CLSTN2: variants seen among roughly 807,000 people sequenced by gnomAD.
CLSTN2 encodes calsyntenin 2, also known as calsyntenin-2.
A neutral mutation model predicts 101.2 loss-of-function variants in CLSTN2; 48 were observed. That is an observed-to-expected ratio of 0.47 (90% CI 0.38 to 0.60). The LOEUF is 0.60. CLSTN2 is among the 20% of genes least tolerant of loss of function. The pLI, the probability that CLSTN2 is intolerant of heterozygous loss-of-function variation, is 0.00. For missense variants in CLSTN2, 1,160 were observed against 1,238.2 expected (o/e 0.94, Z 0.95); for synonymous variants, 481 against 463.6 (o/e 1.04, Z -0.48).
intron 2 of CLSTN2, among the ~76,000 whole-genome samples, chr3:140,184,636 C>T (rs748511410): frequency 6.6e-6 from 1 of 152,122 alleles, no homozygotes; most frequent in Non-Finnish European, 1.5e-5. Flanking sequence ...TAGCCAAGCC[C>T]AGAGTCAGTG....
chr3:140,324,404 G>A (rs1449522147), intron 2 of CLSTN2, among the ~76,000 whole-genome samples: 1 of 152,178 alleles, frequency 6.6e-6, no homozygotes, highest in African/African-American at 2.4e-5. Flanking sequence ...ATAATGTTAA[G>A]TGGGTAATAT....
chr3:140,404,018 C>T (rs1471014800), intron 3 of CLSTN2, among the ~76,000 whole-genome samples, 194 bp downstream of exon 3: 1 of 152,230 alleles, frequency 6.6e-6, no homozygotes, highest in Non-Finnish European at 1.5e-5. Flanking sequence ...ATATTCTACT[C>T]CCTCTTCTTC....
chr3:140,288,151 G>A (rs928791291), intron 2 of CLSTN2, among the ~76,000 whole-genome samples: 7 of 151,942 alleles, frequency 4.6e-5, no homozygotes, highest in African/African-American at 1.2e-4. Context: ...AGAAATGGGT[G>A]TGGACAACTG....
chr3:139,968,244 G>C (rs1366739326), intron 1 of CLSTN2, among the ~76,000 whole-genome samples: 1 of 151,542 alleles, frequency 6.6e-6, no homozygotes, highest in Non-Finnish European at 1.5e-5. Flanking sequence ...TGTTCCCTTG[G>C]AACAGTGCAA....
intron 1 of CLSTN2, among the ~76,000 whole-genome samples, chr3:140,059,585 C>T (rs1323273441): frequency 6.6e-6 from 1 of 152,124 alleles, no homozygotes; most frequent in Admixed American, 6.6e-5. Flanking sequence ...TCAGCTTGCT[C>T]AGTCCTCTTG....
At chr3:140,287,384 A>T (rs1277858852) in intron 2 of CLSTN2, among the ~76,000 whole-genome samples, 2 of 152,138 alleles carry the variant, frequency 1.3e-5, no homozygotes, top group Non-Finnish European at 2.9e-5. Flanking sequence ...GAGTGCATGG[A>T]AGGGTGGATT....
At chr3:140,033,224 G>A (rs931286412) in intron 1 of CLSTN2, among the ~76,000 whole-genome samples, 1 of 150,376 alleles carries the variant, frequency 6.6e-6, no homozygotes, top group South Asian at 2.1e-4. Flanking sequence ...CTGTGTAGAC[G>A]GAGGGGGACT....
chr3:140,050,549 G>A (rs1299802500), intron 1 of CLSTN2, among the ~76,000 whole-genome samples: 2 of 152,238 alleles, frequency 1.3e-5, no homozygotes, highest in Non-Finnish European at 2.9e-5. Flanking sequence ...AGCTGTAGGA[G>A]TGAGGCCAGC....
intron 1 of CLSTN2, among the ~76,000 whole-genome samples, chr3:140,174,990 C>T (rs2010298232): frequency 1.3e-5 from 2 of 152,214 alleles, no homozygotes; most frequent in African/African-American, 4.8e-5. Flanking sequence ...TCCTAGCTTC[C>T]TGTAGTTCCT....
intron 1 of CLSTN2, among the ~76,000 whole-genome samples, chr3:140,059,726 C>G (rs1175607622): frequency 6.6e-6 from 1 of 152,192 alleles, no homozygotes; most frequent in Non-Finnish European, 1.5e-5. Context: ...TGAGCCTACT[C>G]CCAGGCACTG....
intron 2 of CLSTN2, among the ~76,000 whole-genome samples, chr3:140,243,261 C>G (rs1470675628): frequency 6.6e-6 from 1 of 152,140 alleles, no homozygotes; most frequent in Non-Finnish European, 1.5e-5. Context: ...CTTCCCTTCC[C>G]AAGTTAGGAC....
chr3:140,213,696 G>C (rs570213988), intron 2 of CLSTN2, among the ~76,000 whole-genome samples: 1 of 152,302 alleles, frequency 6.6e-6, no homozygotes, highest in East Asian at 1.9e-4. Context: ...AGGTCTGACC[G>C]TGTGATGGGG....
At chr3:140,373,915 G>A (rs557796617) in intron 2 of CLSTN2, among the ~76,000 whole-genome samples, 3 of 152,290 alleles carry the variant, frequency 2.0e-5, no homozygotes, top group Admixed American at 1.3e-4. Flanking sequence ...CATCTTGAGT[G>A]CTCTCTGCAC....
At chr3:140,304,015 A>T (rs1216076273) in intron 2 of CLSTN2, among the ~76,000 whole-genome samples, 1 of 151,904 alleles carries the variant, frequency 6.6e-6, no homozygotes, top group African/African-American at 2.4e-5. Context: ...CAACCAGAAA[A>T]CCTACTCATT....
intron 5 of CLSTN2, among the ~76,000 whole-genome samples, chr3:140,428,094 C>T (rs2088592197): frequency 6.6e-6 from 1 of 152,184 alleles, no homozygotes; most frequent in Non-Finnish European, 1.5e-5. Context: ...GCTGAGCCCT[C>T]CTTACAGGGG....
intron 5 of CLSTN2, among the ~76,000 whole-genome samples, chr3:140,442,239 A>C (rs145330395): frequency 1.5e-3 from 224 of 152,156 alleles, no homozygotes; most frequent in African/African-American, 5.3e-3. Flanking sequence ...TGGAGCCCAC[A>C]ACCCTACACA....
chr3:140,086,508 G>A (rs1370214897), intron 1 of CLSTN2, among the ~76,000 whole-genome samples: 1 of 152,152 alleles, frequency 6.6e-6, no homozygotes, highest in Non-Finnish European at 1.5e-5. Context: ...GCTTGGAATG[G>A]TGCCTGGCAC....
intron 1 of CLSTN2, among the ~76,000 whole-genome samples, chr3:140,151,617 A>G (rs1485929307): frequency 6.6e-6 from 1 of 152,088 alleles, no homozygotes; most frequent in Non-Finnish European, 1.5e-5. Context: ...CTTGGAGGGT[A>G]CGACATGGGA....
intron 8 of CLSTN2, among the ~76,000 whole-genome samples, chr3:140,526,446 T>A (rs1935139655): frequency 1.3e-5 from 2 of 151,218 alleles, no homozygotes; most frequent in African/African-American, 4.9e-5. Flanking sequence ...CGTTTCATGC[T>A]TAAGGATTGG....
Sources: allele counts gnomAD v4.1 joint callset (sites outside exome capture counted in the v4.1 genomes callset), GRCh38; gene constraint gnomAD v4.1.1; transcripts MANE v1.5; gene names NCBI Gene and HGNC (gene_info 2026-07-23, HGNC 2026-07-21).